The following CSMD1 variants were observed in gnomAD, a reference collection of about 807,000 sequenced individuals.
CSMD1 encodes the protein CUB and sushi domain-containing protein 1.
CSMD1 carries 213 observed loss-of-function variants against 417.5 expected under a neutral mutation model. The observed-to-expected ratio is 0.51, with a 90% CI of 0.46 to 0.57. CSMD1 has a LOEUF of 0.57. CSMD1 is among the 20% of genes least tolerant of loss of function. CSMD1 has a pLI of 0.00. For synonymous variants in CSMD1, 2,862 were observed against 1,736.8 expected, an observed-to-expected ratio of 1.65 and a Z score of -16.11; for missense variants, 6,923 against 4,529.7, an observed-to-expected ratio of 1.53 and a Z score of -15.17.
At chr8:3,898,420 T>C (rs2129131886) in intron 5 of CSMD1, among the ~76,000 whole-genome samples, 1 of 152,328 alleles carries the variant, frequency 6.6e-6, no homozygotes, top group African/African-American at 2.4e-5. Context: ...TTATAAAGTG[T>C]TAAAGTTTGT....
chr8:2,963,184 C>A, intron 60 of CSMD1, 38 bp downstream of exon 60: 1 of 1,607,316 alleles, frequency 6.2e-7, no homozygotes, highest in South Asian at 1.1e-5. Flanking sequence ...CTGTTGCAGA[C>A]CTGCAGTGGG....
chr8:3,569,099 A>T (rs534072732), intron 10 of CSMD1, among the ~76,000 whole-genome samples: 13 of 152,172 alleles, frequency 8.5e-5, no homozygotes, highest in Non-Finnish European at 1.8e-4. Flanking sequence ...TTTCTACCAG[A>T]ATACCCTGGT....
intron 3 of CSMD1, among the ~76,000 whole-genome samples, chr8:4,037,268 T>G (rs543108526): frequency 6.6e-6 from 1 of 152,344 alleles, no homozygotes; most frequent in Admixed American, 6.5e-5. Context: ...TTTATATCAA[T>G]TAACCTGTGG....
chr8:4,419,921 A>C, intron 3 of CSMD1, 32 bp downstream of exon 3: 1 of 1,332,630 alleles, frequency 7.5e-7, no homozygotes. Context: ...TTGGACAGTG[A>C]ATGCATGTGC....
chr8:4,610,550 G>A (rs931291907), intron 2 of CSMD1, among the ~76,000 whole-genome samples: 6 of 152,082 alleles, frequency 3.9e-5, no homozygotes, highest in African/African-American at 1.2e-4. Context: ...GAGGTATCAT[G>A]TTTGCCGTTT....
intron 1 of CSMD1, among the ~76,000 whole-genome samples, chr8:4,971,318 G>C (rs1810223731): frequency 6.6e-6 from 1 of 151,882 alleles, no homozygotes; most frequent in African/African-American, 2.4e-5. Context: ...CTTAAATCAT[G>C]AATTAACTCT....
chr8:4,077,232 C>T (rs891720980), intron 3 of CSMD1, among the ~76,000 whole-genome samples: 6 of 147,064 alleles, frequency 4.1e-5, no homozygotes, highest in Non-Finnish European at 8.9e-5. Flanking sequence ...ATTTCAGCTA[C>T]TCCATTTCTC....
intron 1 of CSMD1, among the ~76,000 whole-genome samples, chr8:4,967,605 G>A (rs1056910459): frequency 2.0e-5 from 3 of 152,246 alleles, no homozygotes; most frequent in Non-Finnish European, 2.9e-5. Context: ...AGTTGTAACA[G>A]TACCTATACT....
At chr8:3,403,772 C>T (rs1215347544) in intron 15 of CSMD1, among the ~76,000 whole-genome samples, 2 of 152,098 alleles carry the variant, frequency 1.3e-5, no homozygotes, top group Admixed American at 6.5e-5. Flanking sequence ...ACTAACTGTG[C>T]CCTATCATTA....
At chr8:3,299,516 G>A (rs1489533038) in intron 25 of CSMD1, among the ~76,000 whole-genome samples, 2 of 152,104 alleles carry the variant, frequency 1.3e-5, no homozygotes, top group Non-Finnish European at 2.9e-5. Context: ...ATACAGGCAC[G>A]TGAGGAAAAG....
At chr8:4,695,090 C>G (rs77753282) in intron 1 of CSMD1, among the ~76,000 whole-genome samples, 1 of 152,136 alleles carries the variant, frequency 6.6e-6, no homozygotes, top group Non-Finnish European at 1.5e-5. Context: ...CTGGCCAACT[C>G]ATCATCACTT....
rs575786098 is a variant in CSMD1, at chr8:4,290,940, A to G, written c.415+129013T>C. 3.3e-5 allele frequency among the ~76,000 whole-genome samples: 5 copies of G among 152,284 alleles called. No homozygotes were observed. In the South Asian group the frequency reaches 1.0e-3, roughly 32 times the overall value. On this transcript the variant is annotated intron_variant, in intron 3 of 69. Transcript: ENST00000635120. The stretch of plus-strand genomic sequence containing the variant: ...AACTTCAACTCAACTGCTTTAATTC[A>G]TTTCTTTCTAAAATTTAGAGGGGCA...
At chr8:4,481,692 G>A (rs1007977615) in intron 2 of CSMD1, among the ~76,000 whole-genome samples, 6 of 152,164 alleles carry the variant, frequency 3.9e-5, no homozygotes, top group African/African-American at 7.2e-5. Context: ...TCAGGACTCA[G>A]TCTATTTGGT....
intron 1 of CSMD1, among the ~76,000 whole-genome samples, chr8:4,993,736 G>A (rs1029667937): frequency 6.6e-6 from 1 of 152,214 alleles, no homozygotes; most frequent in Admixed American, 6.5e-5. Flanking sequence ...GAGGAAAGCG[G>A]GGGCGACCTT....
intron 2 of CSMD1, among the ~76,000 whole-genome samples, chr8:4,598,316 T>A (rs533091981): frequency 2.0e-5 from 3 of 152,330 alleles, no homozygotes; most frequent in South Asian, 2.1e-4. Context: ...CTATGCTGAA[T>A]TCCTAGCAGT....
chr8:4,122,430 G>A (rs1290819293), intron 3 of CSMD1, among the ~76,000 whole-genome samples: 1 of 152,144 alleles, frequency 6.6e-6, no homozygotes, highest in Non-Finnish European at 1.5e-5. Context: ...ACAAACCTCT[G>A]ACGCAGTTAG....
At chr8:3,837,543 C>G (rs575785985) in intron 5 of CSMD1, among the ~76,000 whole-genome samples, 2 of 152,104 alleles carry the variant, frequency 1.3e-5, no homozygotes, top group Non-Finnish European at 2.9e-5. Context: ...AACACAGCCC[C>G]CAAGATAACA....
chr8:4,413,283 C>G (rs1248157516), intron 3 of CSMD1, among the ~76,000 whole-genome samples: 2 of 152,174 alleles, frequency 1.3e-5, no homozygotes, highest in Admixed American at 1.3e-4. Flanking sequence ...TCCTCAATGA[C>G]ACAGCTTCTC....
At chr8:4,032,172 A>C (rs1797383215) in intron 3 of CSMD1, 73 bp from the exon 4 acceptor site, 1 of 1,079,190 alleles carries the variant, frequency 9.3e-7, no homozygotes, top group Non-Finnish European at 1.3e-6. Flanking sequence ...AAGATAAAAC[A>C]GACACCATTT....
Sources: gnomAD v4.1 joint callset for allele counts (sites outside exome capture counted in the v4.1 genomes callset) on GRCh38, gnomAD v4.1.1 for gene constraint, MANE v1.5 for transcripts, NCBI Gene and HGNC (gene_info 2026-07-23, HGNC 2026-07-21) for gene names.